KCNK13: variants seen among roughly 807,000 people sequenced by gnomAD.
KCNK13 encodes the protein potassium channel subfamily K member 13.
Under a neutral mutation model 23.4 loss-of-function variants are expected in KCNK13, and 12 were observed. The ratio of observed to expected loss-of-function variants is 0.51; its 90% CI spans 0.33 to 0.83. The LOEUF is 0.83. Among genes scored for constraint, KCNK13 ranks in the 40% least tolerant of loss-of-function variants. The pLI is 0.02. For missense variants in KCNK13, 463 were observed against 556.3 expected (o/e 0.83, Z 1.69); for synonymous variants, 231 against 229.5 (o/e 1.01, Z -0.06).
intron 1 of KCNK13, among the ~76,000 whole-genome samples, chr14:90,173,026 G>C (rs1890382997): frequency 6.6e-6 from 1 of 152,088 alleles, no homozygotes; most frequent in South Asian, 2.1e-4. Context: ...ATGTCACCTA[G>C]AAATCAATAA....
At chr14:90,131,145 C>T (rs1332105664) in intron 1 of KCNK13, among the ~76,000 whole-genome samples, 3 of 152,186 alleles carry the variant, frequency 2.0e-5, no homozygotes, top group African/African-American at 7.2e-5. Context: ...TTTTTCCATT[C>T]AAACACATTT....
chr14:90,092,158 G>A (rs1243943359), intron 1 of KCNK13, among the ~76,000 whole-genome samples: 5 of 152,210 alleles, frequency 3.3e-5, no homozygotes, highest in East Asian at 3.9e-4. Context: ...TCCTGACCTC[G>A]TGATCTGCCC....
intron 1 of KCNK13, among the ~76,000 whole-genome samples, chr14:90,153,290 G>C (rs74080623): frequency 0.065 from 9,884 of 152,246 alleles, 416 homozygotes; most frequent in South Asian, 0.21. Flanking sequence ...TCTTTGGAGT[G>C]AGAAAGACTG....
At chr14:90,074,729 A>G (rs1889115803) in intron 1 of KCNK13, among the ~76,000 whole-genome samples, 1 of 152,170 alleles carries the variant, frequency 6.6e-6, no homozygotes, top group Non-Finnish European at 1.5e-5. Flanking sequence ...CCTGGAGGAA[A>G]CATTATCCAC....
intron 1 of KCNK13, among the ~76,000 whole-genome samples, chr14:90,095,315 T>TA (rs975685371): frequency 2.6e-5 from 4 of 151,912 alleles, no homozygotes; most frequent in Non-Finnish European, 4.4e-5. Context: ...CCTAGGAAAC[T>TA]AAAAAAAATG....
chr14:90,172,455 G>A (rs1890375973), intron 1 of KCNK13, among the ~76,000 whole-genome samples: 1 of 152,186 alleles, frequency 6.6e-6, no homozygotes, highest in Non-Finnish European at 1.5e-5. Context: ...TACGGAACAT[G>A]TAAGCCTTTG....
intron 1 of KCNK13, among the ~76,000 whole-genome samples, chr14:90,100,816 C>T (rs893055179): frequency 2.0e-5 from 3 of 152,050 alleles, no homozygotes; most frequent in Non-Finnish European, 4.4e-5. Context: ...CTCAGCCTCT[C>T]CAGCAGCTGG....
chr14:90,160,153 C>A (rs1193421017), intron 1 of KCNK13, among the ~76,000 whole-genome samples: 8 of 152,192 alleles, frequency 5.3e-5, no homozygotes, highest in Non-Finnish European at 1.2e-4. Context: ...GAGATATATT[C>A]AAGTGTGTTA....
intron 1 of KCNK13, among the ~76,000 whole-genome samples, chr14:90,096,051 G>A (rs1337551086): frequency 2.0e-5 from 3 of 152,232 alleles, no homozygotes; most frequent in Non-Finnish European, 1.5e-5. Context: ...ATAGGAAGAG[G>A]TGTGGAGCTT....
At chr14:90,140,688 G>A (rs1003180924) in intron 1 of KCNK13, among the ~76,000 whole-genome samples, 7 of 152,296 alleles carry the variant, frequency 4.6e-5, no homozygotes, top group East Asian at 1.9e-4. Context: ...GTCATGCCCC[G>A]TAGAGTTTGC....
At chr14:90,146,425 C>T (rs1890074253) in intron 1 of KCNK13, among the ~76,000 whole-genome samples, 1 of 152,122 alleles carries the variant, frequency 6.6e-6, no homozygotes, top group African/African-American at 2.4e-5. Flanking sequence ...AAGCGATTCT[C>T]CTGTCTCAGC....
At position 90,062,161 on chromosome 14, in the gene KCNK13, A is replaced by T. The variant is rs927711969; in HGVS notation, c.-45A>T. 6.5e-6 allele frequency: 8 copies of T among 1,240,080 alleles called. No homozygotes were observed. Among genetic ancestry groups the T allele is most frequent in the Non-Finnish European group, 8.3e-6 (8 of 962,478 alleles). The allele number at this position is 1,240,080 out of a possible 1,614,324, so 76.8% of individuals were successfully genotyped here. ...CGGGGGTGTGGGCGAGACTCCGCCG[A>T]CGCCCGGTGCCGTGGGCCTGGGGGC... On this transcript the variant is annotated 5_prime_UTR_variant, in exon 1 of 2. Coordinates refer to ENST00000282146, the MANE Select transcript of KCNK13 (RefSeq NM_022054.4). This position sits in a 1 kb window ranked among gnomAD's most constrained non-coding sequence, Gnocchi z 4.5.
chr14:90,152,991 G>T (rs1219747827), intron 1 of KCNK13, among the ~76,000 whole-genome samples: 1 of 152,012 alleles, frequency 6.6e-6, no homozygotes, highest in Non-Finnish European at 1.5e-5. Context: ...ACTCAACTCT[G>T]CCCATCCCCA....
Position 90,184,598 on chromosome 14 carries a change from C to T in KCNK13, c.822C>T (p.Ser274=), listed in dbSNP as rs1480179750. The change falls in exon 2 of 2, where the codon TCC becomes TCT. Residue 274 remains serine, a synonymous_variant. Coordinates refer to ENST00000282146, the MANE Select transcript of KCNK13 (RefSeq NM_022054.4). The surrounding 1 kb of genome is among the most constrained non-coding windows in gnomAD (Gnocchi z 5.6). ...FILMGVCCIY[S]LFNVISILIK... ...TCATGGGTGTCTGCTGCATCTACTCCTTGTTCAATGTCATCTCTATCCTCA... is the reference window on the plus strand; with the variant it reads ...TCATGGGTGTCTGCTGCATCTACTCTTTGTTCAATGTCATCTCTATCCTCA... The T allele has an allele frequency of 3.7e-6, 6 of 1,614,260 alleles. No homozygotes were observed. The highest frequency in any genetic ancestry group is 1.6e-4 in the Middle Eastern group (1 of 6,062).
chr14:90,114,213 T>C (rs1889648081), intron 1 of KCNK13, among the ~76,000 whole-genome samples: 1 of 152,182 alleles, frequency 6.6e-6, no homozygotes, highest in Non-Finnish European at 1.5e-5. Flanking sequence ...CTTCGTGGAC[T>C]TGTGTGTACT....
intron 1 of KCNK13, among the ~76,000 whole-genome samples, chr14:90,134,773 T>C (rs2140424694): frequency 6.6e-6 from 1 of 152,366 alleles, no homozygotes; most frequent in African/African-American, 2.4e-5. Flanking sequence ...GGTGAGATTA[T>C]GAATGGTGTT....
In KCNK13 at chr14:90,065,776, C is replaced by T. The variant is rs78483106; in HGVS notation, c.334+3237C>T. 3.6e-3 allele frequency among the ~76,000 whole-genome samples: 554 copies of T among 152,240 alleles called. 16 individuals carry two copies. In the East Asian group the frequency reaches 0.068, roughly 19 times the overall value. On this transcript the variant is annotated intron_variant, in intron 1 of 1. Transcript: ENST00000282146. ...AGGGTAGCCCTCACGCAGAGATAGG[C>T]TCTGCTGTTGGAAATGAGGCCAGTG...
intron 1 of KCNK13, among the ~76,000 whole-genome samples, chr14:90,141,839 G>A (rs983709716): frequency 6.8e-6 from 1 of 147,138 alleles, no homozygotes; most frequent in Non-Finnish European, 1.5e-5. Context: ...GTGGAGTGCA[G>A]TGGCGCAATT....
At chr14:90,157,608 G>T (rs1230275209) in intron 1 of KCNK13, among the ~76,000 whole-genome samples, 1 of 151,748 alleles carries the variant, frequency 6.6e-6, no homozygotes, top group African/African-American at 2.4e-5. Context: ...TATTGTCCAG[G>T]CTGGTCTCGA....
Sources: gnomAD v4.1 joint callset for allele counts (sites outside exome capture counted in the v4.1 genomes callset) on GRCh38, gnomAD v4.1.1 for gene constraint, Gnocchi (gnomAD v3.1) non-coding constraint, MANE v1.5 for transcripts, NCBI Gene and HGNC (gene_info 2026-07-23, HGNC 2026-07-21) for gene names.